Variants in KIT observed in about 807,000 individuals in gnomAD.
KIT encodes the protein KIT proto-oncogene, receptor tyrosine kinase, also known as mast/stem cell growth factor receptor Kit.
Under a neutral mutation model 105.7 loss-of-function variants are expected in KIT, and 16 were observed. The observed-to-expected ratio is 0.15, with a 90% CI of 0.10 to 0.23. The LOEUF (loss-of-function observed/expected upper bound fraction) is 0.23, where lower values mean the gene tolerates loss of function less well. KIT is among the 10% of genes least tolerant of loss of function. The pLI is 1.00. For synonymous variants in KIT, 438 were observed against 441.1 expected (o/e 0.99, Z 0.09); for missense variants, 858 against 1,213.8 (o/e 0.71, Z 4.36).
intron 7 of KIT, among the ~76,000 whole-genome samples, chr4:54,710,290 CACCAT>C (rs1410833961): frequency 6.6e-6 from 1 of 152,202 alleles, no homozygotes; most frequent in Non-Finnish European, 1.5e-5. Context: ...GTGCCTCCCA[CACCAT>C]ACCTGCTAGT....
chr4:54,669,208 A>G (rs1176835738), intron 1 of KIT, among the ~76,000 whole-genome samples: 1 of 117,310 alleles, frequency 8.5e-6, no homozygotes, highest in South Asian at 2.5e-4. Context: ...TTGATAAAAG[A>G]GGACCCCCCC....
intron 7 of KIT, among the ~76,000 whole-genome samples, chr4:54,712,977 G>T (rs1721253377): frequency 6.6e-6 from 1 of 152,076 alleles, no homozygotes; most frequent in South Asian, 2.1e-4. Flanking sequence ...TTGGACAGAG[G>T]TAGTAGCATT....
intron 7 of KIT, among the ~76,000 whole-genome samples, chr4:54,716,305 T>C (rs913765066): frequency 6.6e-6 from 1 of 152,240 alleles, no homozygotes; most frequent in Non-Finnish European, 1.5e-5. Context: ...AACTGGAACA[T>C]AGCTTCGTTT....
chr4:54,723,461 G>A, intron 7 of KIT, 123 bp from the exon 8 acceptor site: 1 of 718,584 alleles, frequency 1.4e-6, no homozygotes, highest in Non-Finnish European at 2.5e-6. Flanking sequence ...TCTGCCCTTT[G>A]AACTTGCTCC....
At chr4:54,735,225 G>A (rs566745744) in intron 17 of KIT, among the ~76,000 whole-genome samples, 2 of 152,060 alleles carry the variant, frequency 1.3e-5, no homozygotes, top group East Asian at 3.9e-4. Flanking sequence ...TCCTTTCCAA[G>A]TTCACAGGCC....
At chr4:54,735,379 GA>G (rs772920655) in intron 17 of KIT, among the ~76,000 whole-genome samples, 2,072 of 87,656 alleles carry the variant, frequency 0.024, 17 homozygotes, top group South Asian at 0.075. Flanking sequence ...AAAAAAAAAA[GA>G]AAAAAAAAAA....
intron 1 of KIT, among the ~76,000 whole-genome samples, chr4:54,674,157 G>A (rs1718308717): frequency 6.6e-6 from 1 of 151,922 alleles, no homozygotes. Flanking sequence ...TACCCACACT[G>A]CTTACCTGCC....
intron 5 of KIT, among the ~76,000 whole-genome samples, chr4:54,704,569 C>CCTTATCTTCTCTACTCTAGAAAATAAA (rs1405740686): frequency 1.3e-5 from 2 of 152,006 alleles, no homozygotes; most frequent in East Asian, 3.8e-4. Context: ...AGAAATTTCA[C>CCTTATCTTCTCTACTCTAGAAAATAAA]TAAATATTTA....
At chr4:54,706,797 A>G (rs1289179710) in intron 5 of KIT, among the ~76,000 whole-genome samples, 1 of 152,160 alleles carries the variant, frequency 6.6e-6, no homozygotes. Flanking sequence ...AAATTCTTTT[A>G]ACCTAATAAA....
chr4:54,661,914 A>C (rs1577904889), intron 1 of KIT, among the ~76,000 whole-genome samples: 1 of 152,368 alleles, frequency 6.6e-6, no homozygotes, highest in East Asian at 1.9e-4. Flanking sequence ...GTGATCATAC[A>C]GCTCATCTTT....
intron 7 of KIT, among the ~76,000 whole-genome samples, chr4:54,713,252 C>T (rs1721271178): frequency 6.6e-6 from 1 of 152,002 alleles, no homozygotes; most frequent in African/African-American, 2.4e-5. Flanking sequence ...GTCTTTATCC[C>T]TCACCCCCCT....
In KIT at chr4:54,703,757, C is replaced by T. The variant is rs1412860211; in HGVS notation, c.790C>T (p.His264Tyr). 6.2e-7 allele frequency: 1 copy of T among 1,613,672 alleles called. No homozygotes were observed. Among genetic ancestry groups the T allele is most frequent in the African/African-American group, 1.3e-5 (1 of 74,860 alleles). The part of the protein sequence containing the change: ...KLQEKYNSWH[H>Y]GDFNYERQAT... ...ACAGGAGAAATATAATAGCTGGCAT[C>T]ACGGTGACTTCAATTATGAACGTCA... The change falls in exon 5 of 21, where the codon CAC (histidine) becomes TAC (tyrosine). Residue 264 changes from histidine (H) to tyrosine (Y), a missense_variant. His to Tyr is a moderately conservative substitution (Grantham distance 83). Coordinates refer to ENST00000288135, the MANE Select transcript of KIT (RefSeq NM_000222.3).
In KIT at chr4:54,695,416, T is replaced by C. The variant is rs570300272; in HGVS notation, c.68-96T>C. The C allele has an allele frequency of 3.9e-5, 50 of 1,276,840 alleles. No individual in the cohort carries two copies. In the African/African-American group the frequency reaches 6.6e-4, roughly 17 times the overall value. 79.1% of individuals were successfully genotyped at this position (1,276,840 alleles called of 1,614,324 possible). On this transcript the variant is annotated intron_variant, in intron 1 of 20. Transcript: ENST00000288135. Reference sequence around the variant, plus strand: ...GGGCAGCTTTGTCCTATTTTTATTGTAGAGTACACAGAAGATGGAACTCAG... The same window carrying C: ...GGGCAGCTTTGTCCTATTTTTATTGCAGAGTACACAGAAGATGGAACTCAG...
In KIT at chr4:54,699,619, T is replaced by TTTCA. The variant is rs1720320900; in HGVS notation, c.620-7_620-4dup. ...AAATTATTTGAGGGGCCACATTTCTTTTCATTCTAGCCTTCAAAGCTGTGC... is the reference window on the plus strand; with the variant it reads ...AAATTATTTGAGGGGCCACATTTCTTTTCATTCATTCTAGCCTTCAAAGCTGTGC... On this transcript the variant is annotated splice_polypyrimidine_tract_variant and intron_variant, in intron 3 of 20. Coordinates refer to ENST00000288135, the MANE Select transcript of KIT (RefSeq NM_000222.3). 1 of 1,613,770 alleles carries TTTCA rather than the reference T, an allele frequency of 6.2e-7. No individual in the cohort carries two copies.
chr4:54,727,180 G>T (rs1253696582), intron 9 of KIT, 38 bp from the exon 10 acceptor site: 1 of 1,580,488 alleles, frequency 6.3e-7, no homozygotes, highest in African/African-American at 1.3e-5. Flanking sequence ...ATCCCATCCT[G>T]CCAAAGTTTG....
chr4:54,723,897 T>C (rs535553581), intron 8 of KIT, among the ~76,000 whole-genome samples, 199 bp downstream of exon 8: 1 of 152,360 alleles, frequency 6.6e-6, no homozygotes, highest in South Asian at 2.1e-4. Flanking sequence ...TGAAAAATCA[T>C]TACTGAATGA....
chr4:54,664,200 G>A (rs2109543633), intron 1 of KIT, among the ~76,000 whole-genome samples: 1 of 152,214 alleles, frequency 6.6e-6, no homozygotes, highest in Non-Finnish European at 1.5e-5. Context: ...AAAAACTACA[G>A]TACAAGGAAC....
intron 1 of KIT, among the ~76,000 whole-genome samples, chr4:54,683,987 C>T (rs567930625): frequency 9.2e-5 from 14 of 152,284 alleles, no homozygotes; most frequent in Non-Finnish European, 5.9e-5. Context: ...AAAAGCAGAA[C>T]ATGAAAATGC....
At position 54,722,612 on chromosome 4, in the gene KIT, GC is replaced by G; in HGVS notation, c.1232-971del. Among the ~76,000 whole-genome samples, 2 of 151,986 alleles carry G rather than the reference GC, an allele frequency of 1.3e-5. 1 individual carries two copies. The highest frequency in any genetic ancestry group is 6.8e-3 in the Middle Eastern group (2 of 294). On this transcript the variant is annotated intron_variant, in intron 7 of 20. Coordinates refer to ENST00000288135, the MANE Select transcript of KIT (RefSeq NM_000222.3). ...CCTGCCATCCTGTTGCTTCTGTTGA[GC>G]TTATTTATTCTTAGAGGGTTGGAAT...
Sources: gnomAD v4.1 joint callset for allele counts (sites outside exome capture counted in the v4.1 genomes callset) on GRCh38, gnomAD v4.1.1 for gene constraint, MANE v1.5 for transcripts, NCBI Gene and HGNC (gene_info 2026-07-23, HGNC 2026-07-21) for gene names.